GRIK5: variants seen among roughly 807,000 people sequenced by gnomAD.
GRIK5 encodes glutamate ionotropic receptor kainate type subunit 5.
In GRIK5, 43 loss-of-function variants were observed where a neutral mutation model predicts 97.4. That is an observed-to-expected ratio of 0.44 (90% CI 0.35 to 0.57). The LOEUF is 0.57. GRIK5 is among the 20% of genes least tolerant of loss of function. The pLI, the probability that GRIK5 is intolerant of heterozygous loss-of-function variation, is 0.01. For synonymous variants in GRIK5, 580 were observed against 583.5 expected, an observed-to-expected ratio of 0.99 and a Z score of 0.09; for missense variants, 1,015 against 1,382.0, an observed-to-expected ratio of 0.73 and a Z score of 4.21.
intron 1 of GRIK5, among the ~76,000 whole-genome samples, chr19:42,067,635 G>A (rs1218892621): frequency 1.3e-5 from 2 of 152,168 alleles, no homozygotes; most frequent in Non-Finnish European, 2.9e-5. Context: ...AAGACCGAGG[G>A]AGAGATGGGA....
chr19:42,003,589 G>GC lies in GRIK5; in HGVS notation c.2357dup (p.Arg787ProfsTer11). On this transcript the variant is annotated frameshift_variant, in exon 18 of 20. Coordinates refer to ENST00000593562, the MANE Select transcript of GRIK5 (RefSeq NM_002088.5). LOFTEE classifies it high-confidence loss of function. This position sits in a 1 kb window ranked among gnomAD's most constrained non-coding sequence, Gnocchi z 4.2. ...GATGGTCCTCCTCCTTGGGGCACCG[G>GC]CCCCCCTCCCACCACTTGCGCTTCA... 1 of 1,612,938 alleles carries GC rather than the reference G, an allele frequency of 6.2e-7. No individual in the cohort carries two copies. Among genetic ancestry groups the GC allele is most frequent in the South Asian group, 1.1e-5 (1 of 90,878 alleles).
Position 42,069,837 on chromosome 19 carries a change from G to A in GRIK5, c.-647C>T, listed in dbSNP as rs1345323166. On this transcript the variant is annotated 5_prime_UTR_variant, in exon 1 of 20. Transcript: ENST00000593562. ...CAAGCCCTCAGCCCCCACGGGAAAA[G>A]CATGCTGGGGGCGGGGAGAGCCCGG... Among the ~76,000 whole-genome samples the A allele has an allele frequency of 1.3e-5, 2 of 152,128 alleles. No homozygotes were observed. Among genetic ancestry groups the A allele is most frequent in the East Asian group, 1.9e-4 (1 of 5,158 alleles).
intron 11 of GRIK5, among the ~76,000 whole-genome samples, chr19:42,046,488 A>C (rs1405495623): frequency 6.6e-6 from 1 of 152,222 alleles, no homozygotes; most frequent in African/African-American, 2.4e-5. Context: ...AATTTACCCT[A>C]CAAATGGCTG....
chr19:42,018,959 TCTG>T (rs1431185652), intron 15 of GRIK5, among the ~76,000 whole-genome samples: 4 of 152,044 alleles, frequency 2.6e-5, no homozygotes, highest in African/African-American at 4.8e-5. Flanking sequence ...TTCTCAAACA[TCTG>T]CTGAATGAGT....
chr19:42,008,785 A>G (rs2075524642), intron 15 of GRIK5, among the ~76,000 whole-genome samples: 1 of 152,250 alleles, frequency 6.6e-6, no homozygotes. Flanking sequence ...AGAATGCTCA[A>G]GAGTATAAAG....
rs2075691610 is a variant in GRIK5, at chr19:42,021,207, A to C, written c.1871+94T>G. ...GCTCTGCAAGGGAAAACGGGGAATC[A>C]AATCTTCCAGGAGATGCCACAGCCC... On this transcript the variant is annotated intron_variant, in intron 15 of 19. Coordinates refer to ENST00000593562, the MANE Select transcript of GRIK5 (RefSeq NM_002088.5). The surrounding 1 kb of genome is among the most constrained non-coding windows in gnomAD (Gnocchi z 4.2). 6 of 1,019,000 alleles carry C rather than the reference A, an allele frequency of 5.9e-6. No individual in the cohort carries two copies. The East Asian group carries it at 1.6e-4, about 27-fold the overall frequency. 63.1% of individuals were successfully genotyped at this position (1,019,000 alleles called of 1,614,324 possible). A position where few individuals can be genotyped will look rare whatever the true frequency, so the allele number is the denominator to read the frequency against.
chr19:42,032,849 C>T (rs1372589225), intron 12 of GRIK5, among the ~76,000 whole-genome samples: 1 of 152,172 alleles, frequency 6.6e-6, no homozygotes, highest in Non-Finnish European at 1.5e-5. Context: ...CCACTCAAAC[C>T]AAGGCAACAT....
rs771316828 is a variant in GRIK5, at chr19:42,053,651, T to C, written c.1220A>G (p.Asn407Ser). 7.0e-5 allele frequency: 113 copies of C among 1,613,574 alleles called. No homozygotes were observed. In the Middle Eastern group the frequency reaches 2.8e-3, roughly 40 times the overall value. ...LAMNATTLDI[N>S]LSQTLANKTL... Reference sequence around the variant, plus strand: ...CTTGTTGGCCAGTGTCTGCGACAGGTTGATGTCCAGGGTGGTGGCATTCAT... The same window carrying C: ...CTTGTTGGCCAGTGTCTGCGACAGGCTGATGTCCAGGGTGGTGGCATTCAT... The change falls in exon 11 of 20, where the codon AAC (asparagine) becomes AGC (serine). Residue 407 changes from asparagine (N) to serine (S), a missense_variant. Asn to Ser is a conservative substitution (Grantham distance 46). Coordinates refer to ENST00000593562, the MANE Select transcript of GRIK5 (RefSeq NM_002088.5).
At chr19:42,057,009 T>A in intron 6 of GRIK5, 31 bp from the exon 7 acceptor site, 3 of 1,528,300 alleles carry the variant, frequency 2.0e-6, no homozygotes. Context: ...AGAGGCAGAG[T>A]GAGAGACAGA....
At chr19:42,044,274 G>A (rs998192355) in intron 11 of GRIK5, among the ~76,000 whole-genome samples, 2 of 152,234 alleles carry the variant, frequency 1.3e-5, no homozygotes, top group South Asian at 2.1e-4. Context: ...ACCGAGTCTC[G>A]GGCAGTTCTT....
chr19:42,054,581 C>T, intron 8 of GRIK5, 109 bp from the exon 9 acceptor site: 3 of 1,276,004 alleles, frequency 2.4e-6, no homozygotes, highest in South Asian at 1.4e-5. Flanking sequence ...CTTCCCTCTC[C>T]CCAGGAATGG....
chr19:42,019,646 A>G (rs528786234), intron 15 of GRIK5, among the ~76,000 whole-genome samples: 4 of 152,354 alleles, frequency 2.6e-5, no homozygotes, highest in South Asian at 2.1e-4. Context: ...AGGAAGGCCC[A>G]AAGGAATCAC....
Position 42,021,988 on chromosome 19 carries a change from A to C in GRIK5, c.1656T>G (p.Leu552=). The C allele has an allele frequency of 6.2e-7, 1 of 1,614,016 alleles. No homozygotes were observed. The highest frequency in any genetic ancestry group is 1.1e-5 in the South Asian group (1 of 91,064). The change falls in exon 14 of 20, where the codon CTT becomes CTG. Residue 552 remains leucine (L), a synonymous_variant. Transcript: ENST00000593562. This position sits in a 1 kb window ranked among gnomAD's most constrained non-coding sequence, Gnocchi z 4.2. ...GGACGCAGCTGACAGCCAGGTAGGC[A>C]AGAAGCATGAAGAGCCACACAGCAG... ...FSPAVWLFML[L]AYLAVSCVLF... is the part of the protein sequence containing the mutation.
At chr19:42,007,961 A>T (rs2075513418) in intron 15 of GRIK5, among the ~76,000 whole-genome samples, 1 of 152,220 alleles carries the variant, frequency 6.6e-6, no homozygotes, top group Non-Finnish European at 1.5e-5. Flanking sequence ...TAACCTAACT[A>T]GATTCCAGAA....
At chr19:42,035,279 C>A (rs1049267432) in intron 12 of GRIK5, among the ~76,000 whole-genome samples, 4 of 151,956 alleles carry the variant, frequency 2.6e-5, no homozygotes, top group Middle Eastern at 3.2e-3. Context: ...CTGCGCCTGG[C>A]CTAAACGTAG....
At chr19:42,039,228 C>T (rs1453469857) in intron 12 of GRIK5, among the ~76,000 whole-genome samples, 1 of 152,228 alleles carries the variant, frequency 6.6e-6, no homozygotes, top group Non-Finnish European at 1.5e-5. Context: ...AATCCCAGCA[C>T]TCTGGGAGGC....
At chr19:42,009,642 C>T (rs1472783932) in intron 15 of GRIK5, among the ~76,000 whole-genome samples, 1 of 151,818 alleles carries the variant, frequency 6.6e-6, no homozygotes, top group Non-Finnish European at 1.5e-5. Flanking sequence ...GTGGTGCATG[C>T]CTGTAATCCC....
Position 42,002,600 on chromosome 19 carries a change from T to A in GRIK5, c.2514+732A>T. The A allele has an allele frequency of 1.6e-6, 1 of 636,054 alleles. No individual in the cohort carries two copies. The highest frequency in any genetic ancestry group is 3.4e-4 in the Middle Eastern group (1 of 2,972). 39.4% of individuals were successfully genotyped at this position (636,054 alleles called of 1,614,324 possible). A position where few individuals can be genotyped will look rare whatever the true frequency, so the allele number is the denominator to read the frequency against. On this transcript the variant is annotated intron_variant, in intron 19 of 19. Transcript: ENST00000593562. The surrounding 1 kb of genome is among the most constrained non-coding windows in gnomAD (Gnocchi z 5.2). ...GGATGTGAGGAGGGGGAGGAAGGGCTGGAGGCTGACAGAGAGAGGGGAAGC... is the reference window on the plus strand; with the variant it reads ...GGATGTGAGGAGGGGGAGGAAGGGCAGGAGGCTGACAGAGAGAGGGGAAGC...
intron 12 of GRIK5, among the ~76,000 whole-genome samples, chr19:42,025,949 A>C (rs2075766305): frequency 6.6e-6 from 1 of 152,198 alleles, no homozygotes; most frequent in African/African-American, 2.4e-5. Flanking sequence ...ATCTCTACTA[A>C]AACTAAAAAT....
Sources: allele counts gnomAD v4.1 joint callset (sites outside exome capture counted in the v4.1 genomes callset), GRCh38; gene constraint gnomAD v4.1.1; non-coding constraint Gnocchi (gnomAD v3.1); transcripts MANE v1.5; gene names NCBI Gene and HGNC (gene_info 2026-07-23, HGNC 2026-07-21).